HERC4: variants seen among roughly 807,000 people sequenced by gnomAD.
HERC4 encodes the protein probable E3 ubiquitin-protein ligase HERC4.
HERC4 carries 28 observed loss-of-function variants against 124.3 expected under a neutral mutation model. That is an observed-to-expected ratio of 0.23 (90% CI 0.17 to 0.31). The LOEUF (loss-of-function observed/expected upper bound fraction) is 0.31, where lower values mean the gene tolerates loss of function less well. Ranked by LOEUF, HERC4 falls within the 10% of genes least tolerant of loss-of-function variation. HERC4 has a pLI of 1.00. For missense variants in HERC4, 713 were observed against 1,229.3 expected, an observed-to-expected ratio of 0.58 and a Z score of 6.28; for synonymous variants, 407 against 421.5, an observed-to-expected ratio of 0.97 and a Z score of 0.42.
intron 5 of HERC4, 35 bp from the exon 6 acceptor site, chr10:68,034,221 C>A: frequency 2.1e-6 from 3 of 1,461,748 alleles, no homozygotes; most frequent in Middle Eastern, 1.8e-4. Context: ...AACCATTTTT[C>A]TCACATGCAA....
intron 9 of HERC4, among the ~76,000 whole-genome samples, chr10:68,001,990 T>C (rs1331887293): frequency 1.3e-5 from 2 of 152,184 alleles, no homozygotes; most frequent in African/African-American, 2.4e-5. Context: ...CTTTTGGCTA[T>C]AATGTATCAC....
rs150501463 is a variant in HERC4 at position 68,012,019 on chromosome 10, C to T, written c.1069+2007G>A. ...CAGTACTTTTACATTATGGAGATGG[C>T]TTCTTTCCTTAAACTTCACGAACTA... On this transcript the variant is annotated intron_variant, in intron 9 of 24. Coordinates refer to ENST00000373700, the MANE Select transcript of HERC4 (RefSeq NM_015601.4). Among the ~76,000 whole-genome samples the T allele has an allele frequency of 4.2e-3, 637 of 152,292 alleles. 9 individuals carry two copies. Among genetic ancestry groups the T allele is most frequent in the East Asian group, 0.03 (155 of 5,178 alleles).
chr10:67,961,302 A>G (rs1434018595), intron 16 of HERC4: 1 of 153,968 alleles, frequency 6.5e-6, no homozygotes, highest in African/African-American at 2.4e-5. Flanking sequence ...GCCATCAGAT[A>G]TAATTTTGGT....
intron 7 of HERC4, 56 bp downstream of exon 7, chr10:68,032,722 T>C (rs1589377427): frequency 1.2e-6 from 1 of 868,548 alleles, no homozygotes; most frequent in Non-Finnish European, 1.9e-6. Flanking sequence ...AGAACATTCA[T>C]TAATTATGAA....
chr10:68,032,481 GAAT>G (rs2039259394), intron 7 of HERC4, among the ~76,000 whole-genome samples: 1 of 152,036 alleles, frequency 6.6e-6, no homozygotes, highest in Admixed American at 6.6e-5. Flanking sequence ...AACTAAAACG[GAAT>G]AATTTTATTC....
At chr10:68,032,437 T>C (rs1379959538) in intron 7 of HERC4, among the ~76,000 whole-genome samples, 1 of 152,200 alleles carries the variant, frequency 6.6e-6, no homozygotes, top group African/African-American at 2.4e-5. Context: ...ACGATATAAA[T>C]GGGTTTGATG....
chr10:68,063,644 TAAAC>T lies in HERC4; in HGVS notation c.226+9235_226+9238del, dbSNP rs924348166. Among the ~76,000 whole-genome samples, 4 of 152,170 alleles carry T rather than the reference TAAAC, an allele frequency of 2.6e-5. No homozygotes were observed. In the South Asian group the frequency reaches 6.2e-4, roughly 24 times the overall value. ...AAAGATGTTCTTTTTCCTAAATAAA[TAAAC>T]AGAGGTAGGTCAGGCGTGGTGGCTC... is the stretch of plus-strand genomic sequence containing the variant. On this transcript the variant is annotated intron_variant, in intron 3 of 24. Coordinates refer to ENST00000373700, the MANE Select transcript of HERC4 (RefSeq NM_015601.4).
intron 9 of HERC4, among the ~76,000 whole-genome samples, chr10:68,008,910 A>AT (rs1319706900): frequency 6.6e-6 from 1 of 152,210 alleles, no homozygotes; most frequent in Non-Finnish European, 1.5e-5. Flanking sequence ...TTTTGGTTTC[A>AT]TAGTGCACAT....
intron 4 of HERC4, chr10:68,040,012 G>C (rs1326530734): frequency 5.6e-6 from 4 of 711,612 alleles, no homozygotes; most frequent in Admixed American, 6.0e-5. Flanking sequence ...TAAACAGTAA[G>C]TTCTGTGAAG....
intron 8 of HERC4, among the ~76,000 whole-genome samples, chr10:68,025,267 A>G (rs1564562457): frequency 6.6e-6 from 1 of 152,158 alleles, no homozygotes; most frequent in Non-Finnish European, 1.5e-5. Context: ...GGAAAAGAGA[A>G]AGAAAGAAGC....
chr10:68,022,933 C>G (rs558447831), intron 8 of HERC4, among the ~76,000 whole-genome samples: 2 of 151,838 alleles, frequency 1.3e-5, no homozygotes, highest in African/African-American at 4.8e-5. Flanking sequence ...ATATGCTCAG[C>G]TCACTAATCA....
At chr10:67,971,554 T>A (rs967959828) in intron 15 of HERC4, among the ~76,000 whole-genome samples, 1 of 152,112 alleles carries the variant, frequency 6.6e-6, no homozygotes, top group East Asian at 1.9e-4. Flanking sequence ...TCTCAACAGA[T>A]GGAAACAATA....
At chr10:68,011,599 G>A (rs1404012934) in intron 9 of HERC4, among the ~76,000 whole-genome samples, 1 of 152,158 alleles carries the variant, frequency 6.6e-6, no homozygotes, top group African/African-American at 2.4e-5. Context: ...TTTACTGAGC[G>A]GTGGGTCTCA....
chr10:68,050,363 A>G (rs1483187216), intron 3 of HERC4, among the ~76,000 whole-genome samples: 1 of 152,244 alleles, frequency 6.6e-6, no homozygotes, highest in Non-Finnish European at 1.5e-5. Context: ...TAAATAAAAT[A>G]TAACTTAAAA....
Position 67,925,127 on chromosome 10 carries a change from C to T in HERC4, c.2899G>A (p.Val967Ile), listed in dbSNP as rs770577676. The T allele has an allele frequency of 5.6e-6, 9 of 1,606,346 alleles. No individual in the cohort carries two copies. In the Admixed American group the frequency reaches 1.3e-4, roughly 24 times the overall value. Residue 967 changes from valine to isoleucine, a missense_variant, in exon 24 of 25, where the codon GTA (valine) becomes ATA (isoleucine). Physicochemically the swap from Val to Ile is conservative, Grantham distance 29 (BLOSUM62 3). Transcript: ENST00000373700. ...EHPTIKIFWE[V>I]FHELPLEKKK... ...TTTTCCAATGGTAATTCGTGAAATACTTCCCAAAAAATTTTTATCGTAGGA... is the reference window on the plus strand; with the variant it reads ...TTTTCCAATGGTAATTCGTGAAATATTTCCCAAAAAATTTTTATCGTAGGA...
At chr10:67,991,793 C>T (rs1255917881) in intron 11 of HERC4, among the ~76,000 whole-genome samples, 2 of 152,124 alleles carry the variant, frequency 1.3e-5, no homozygotes, top group Non-Finnish European at 2.9e-5. Context: ...CAAGGCCAAT[C>T]CTAAAATGGC....
At position 68,055,385 on chromosome 10, in the gene HERC4, T is replaced by C. The variant is rs370601722; in HGVS notation, c.227-10822A>G. Among the ~76,000 whole-genome samples, 17 of 152,210 alleles carry C rather than the reference T, an allele frequency of 1.1e-4. No individual in the cohort carries two copies. In the East Asian group the frequency reaches 3.3e-3, roughly 29 times the overall value. On this transcript the variant is annotated intron_variant, in intron 3 of 24. Coordinates refer to ENST00000373700, the MANE Select transcript of HERC4 (RefSeq NM_015601.4). Reference sequence around the variant, plus strand: ...TTAATATACACTAACTTATGTGTCTTAGTTGACAGCAAACAATAAAATGTT... The same window carrying C: ...TTAATATACACTAACTTATGTGTCTCAGTTGACAGCAAACAATAAAATGTT...
intron 8 of HERC4, among the ~76,000 whole-genome samples, chr10:68,022,287 G>A (rs868211361): frequency 2.0e-5 from 3 of 152,032 alleles, no homozygotes; most frequent in Non-Finnish European, 4.4e-5. Flanking sequence ...ATCAACTGAG[G>A]TCGGGAGTTC....
intron 8 of HERC4, among the ~76,000 whole-genome samples, chr10:68,018,900 CTTTTTTT>C (rs34948748): frequency 1.1e-3 from 100 of 93,134 alleles, no homozygotes; most frequent in Admixed American, 3.7e-3. Flanking sequence ...CCCCACAAGG[CTTTTTTT>C]TTTTTTTTTT....
Sources: gnomAD v4.1 joint callset for allele counts (sites outside exome capture counted in the v4.1 genomes callset) on GRCh38, gnomAD v4.1.1 for gene constraint, MANE v1.5 for transcripts, NCBI Gene and HGNC (gene_info 2026-07-23, HGNC 2026-07-21) for gene names.